ARMH4: variants seen among roughly 807,000 people sequenced by gnomAD.
ARMH4 encodes armadillo like helical domain containing 4.
A neutral mutation model predicts 61.9 loss-of-function variants in ARMH4; 49 were observed. The ratio of observed to expected loss-of-function variants is 0.79; its 90% CI spans 0.63 to 1.00. ARMH4 has a LOEUF of 1.00. Ranked by LOEUF, ARMH4 falls within the 50% of genes least tolerant of loss-of-function variation. The pLI, the probability that ARMH4 is intolerant of heterozygous loss-of-function variation, is 0.00. For missense variants in ARMH4, 934 were observed against 930.0 expected (o/e 1.00, Z -0.06); for synonymous variants, 368 against 341.5 (o/e 1.08, Z -0.85).
intron 4 of ARMH4, among the ~76,000 whole-genome samples, chr14:58,098,762 G>A (rs1309625209): frequency 1.3e-5 from 2 of 151,302 alleles, no homozygotes; most frequent in Non-Finnish European, 2.9e-5. Context: ...AAGTAGGCAG[G>A]GGCCAGATCT....
At chr14:58,058,555 T>A (rs1186972347) in intron 5 of ARMH4, among the ~76,000 whole-genome samples, 1 of 152,184 alleles carries the variant, frequency 6.6e-6, no homozygotes, top group Non-Finnish European at 1.5e-5. Context: ...TTTTAGAGCA[T>A]ACGGGGTAAC....
chr14:58,133,461 A>G, intron 2 of ARMH4, 120 bp from the exon 3 acceptor site: 1 of 903,718 alleles, frequency 1.1e-6, no homozygotes, highest in East Asian at 2.6e-5. Flanking sequence ...GAACTGGGGA[A>G]GCAAAGAGAG....
intron 4 of ARMH4, among the ~76,000 whole-genome samples, chr14:58,123,606 G>T (rs186558675): frequency 1.6e-3 from 239 of 152,260 alleles, no homozygotes; most frequent in African/African-American, 5.5e-3. Context: ...CCAAATACCA[G>T]AGGAAGCAGT....
intron 3 of ARMH4, among the ~76,000 whole-genome samples, chr14:58,132,447 C>T (rs1264796993): frequency 2.0e-5 from 3 of 149,784 alleles, no homozygotes; most frequent in African/African-American, 7.6e-5. Flanking sequence ...CAGGTCCATG[C>T]TTTTTTCACC....
intron 5 of ARMH4, among the ~76,000 whole-genome samples, chr14:58,073,118 T>C (rs769751909): frequency 5.3e-5 from 8 of 152,136 alleles, no homozygotes; most frequent in Non-Finnish European, 1.0e-4. Flanking sequence ...CCTTTATGTC[T>C]ATATTTGGCT....
At chr14:58,015,156 G>C (rs938409832) in intron 5 of ARMH4, among the ~76,000 whole-genome samples, 2 of 152,202 alleles carry the variant, frequency 1.3e-5, no homozygotes, top group Admixed American at 6.5e-5. Flanking sequence ...TAGGTTCTTA[G>C]AGTAAATTTC....
chr14:58,136,605 T>C (rs1887308624), intron 2 of ARMH4, among the ~76,000 whole-genome samples: 2 of 152,292 alleles, frequency 1.3e-5, no homozygotes, highest in African/African-American at 4.8e-5. Flanking sequence ...CTCAACACCT[T>C]ATAAAACATA....
chr14:58,138,397 C>G lies in ARMH4; in HGVS notation c.962G>C (p.Ser321Thr). 1 of 1,614,182 alleles carries G rather than the reference C, an allele frequency of 6.2e-7. No individual in the cohort carries two copies. The change falls in exon 2 of 8, where the codon AGT becomes ACT. Residue 321 changes from serine (S) to threonine (T), a missense_variant. Ser to Thr is a moderately conservative substitution (Grantham distance 58). Transcript: ENST00000267485. ...CTTGGGGGTCCTTATCCGGCTTACA[C>G]TCTCTAATTTGGTGTCATCCCACTC... ...SDEWDDTKLESVSRIRTPKLG... is the reference protein window; with the variant it reads ...SDEWDDTKLETVSRIRTPKLG...
chr14:58,041,037 G>A (rs1052144408), intron 5 of ARMH4, among the ~76,000 whole-genome samples: 1 of 152,222 alleles, frequency 6.6e-6, no homozygotes, highest in Non-Finnish European at 1.5e-5. Flanking sequence ...CAGCGTGAGC[G>A]ACGCAGAAGA....
chr14:58,119,845 C>T (rs1354084757), intron 4 of ARMH4, among the ~76,000 whole-genome samples: 2 of 152,116 alleles, frequency 1.3e-5, no homozygotes, highest in Non-Finnish European at 2.9e-5. Flanking sequence ...GTTGATTGCA[C>T]GGCTATAAAA....
At chr14:58,007,057 G>A (rs1882204521) in intron 6 of ARMH4, among the ~76,000 whole-genome samples, 1 of 152,158 alleles carries the variant, frequency 6.6e-6, no homozygotes, top group Non-Finnish European at 1.5e-5. Context: ...AAGTGTTGGT[G>A]CTCACACAAG....
intron 5 of ARMH4, among the ~76,000 whole-genome samples, chr14:58,059,562 G>A (rs1426559612): frequency 6.6e-6 from 1 of 152,118 alleles, no homozygotes; most frequent in African/African-American, 2.4e-5. Flanking sequence ...GGTTTCAAAT[G>A]GACTATTGGA....
chr14:58,113,241 G>C (rs1886412626), intron 4 of ARMH4, among the ~76,000 whole-genome samples: 2 of 152,142 alleles, frequency 1.3e-5, no homozygotes, highest in Admixed American at 1.3e-4. Flanking sequence ...ATTTCTTAGT[G>C]TCTAGCTTCT....
In ARMH4 at chr14:58,002,340, C is replaced by A. The variant is rs547421196; in HGVS notation, c.*2396G>T. 3.3e-5 allele frequency: 5 copies of A among 152,246 alleles called. No individual in the cohort carries two copies. The East Asian group carries it at 7.7e-4, about 24-fold the overall frequency. The allele number at this position is 152,246 out of a possible 1,614,324, so 9.4% of individuals were successfully genotyped here. On this transcript the variant is annotated 3_prime_UTR_variant, in exon 8 of 8. Transcript: ENST00000267485. ...ATCCAGATGTTTAAATGGGTTTGTA[C>A]AGAAATGTACTCTAAGTATAATCTT...
chr14:58,100,251 C>T (rs762132457), intron 4 of ARMH4, among the ~76,000 whole-genome samples: 2 of 152,130 alleles, frequency 1.3e-5, no homozygotes, highest in Admixed American at 6.5e-5. Context: ...GTGAAATAGT[C>T]GTCTTGGAGA....
chr14:58,133,053 A>T (rs1487171148), intron 3 of ARMH4, 37 bp downstream of exon 3: 2 of 1,607,948 alleles, frequency 1.2e-6, no homozygotes, highest in Non-Finnish European at 1.7e-6. Context: ...GAAGAGATCC[A>T]CCCCCAAAAC....
chr14:58,011,584 C>T (rs1267858415), intron 6 of ARMH4, among the ~76,000 whole-genome samples: 1 of 151,882 alleles, frequency 6.6e-6, no homozygotes, highest in Admixed American at 6.6e-5. Flanking sequence ...GATTGAAAAT[C>T]AAAAGAAAAT....
intron 6 of ARMH4, among the ~76,000 whole-genome samples, chr14:58,010,397 C>T (rs1012298302): frequency 2.0e-5 from 3 of 151,978 alleles, no homozygotes; most frequent in Non-Finnish European, 4.4e-5. Flanking sequence ...AGCATGTAAT[C>T]GTTCAAGCAT....
chr14:58,095,682 AC>A (rs1885724733), intron 5 of ARMH4, among the ~76,000 whole-genome samples: 1 of 152,346 alleles, frequency 6.6e-6, no homozygotes, highest in Non-Finnish European at 1.5e-5. Context: ...ATAGCATATT[AC>A]ACAGGAAATC....
Sources: allele counts gnomAD v4.1 joint callset (sites outside exome capture counted in the v4.1 genomes callset), GRCh38; gene constraint gnomAD v4.1.1; transcripts MANE v1.5; gene names NCBI Gene and HGNC (gene_info 2026-07-23, HGNC 2026-07-21).